The following ASIC2 variants were observed in gnomAD, a reference collection of about 807,000 sequenced individuals.
The protein encoded by ASIC2 is acid sensing ion channel subunit 2.
In ASIC2, 25 loss-of-function variants were observed where a neutral mutation model predicts 57.3. That is an observed-to-expected ratio of 0.44 (90% CI 0.32 to 0.61). ASIC2 has a LOEUF of 0.61. Among genes scored for constraint, ASIC2 ranks in the 20% least tolerant of loss-of-function variants. The pLI is 0.06. For missense variants in ASIC2, 641 were observed against 738.1 expected (o/e 0.87, Z 1.52); for synonymous variants, 319 against 307.5 (o/e 1.04, Z -0.39).
intron 1 of ASIC2, among the ~76,000 whole-genome samples, chr17:34,032,427 A>G (rs536566121): frequency 2.6e-5 from 4 of 152,368 alleles, no homozygotes; most frequent in South Asian, 4.1e-4. Flanking sequence ...TGTAAAAACC[A>G]TCAAGGCTAG....
intron 1 of ASIC2, among the ~76,000 whole-genome samples, chr17:33,703,029 G>A (rs1908750627): frequency 6.6e-6 from 1 of 152,176 alleles, no homozygotes; most frequent in Admixed American, 6.5e-5. Context: ...GGCCTGGAAA[G>A]GCCACTGGGA....
At chr17:34,022,328 C>T (rs1907196295) in intron 1 of ASIC2, among the ~76,000 whole-genome samples, 1 of 152,140 alleles carries the variant, frequency 6.6e-6, no homozygotes, top group Admixed American at 6.5e-5. Context: ...TCCTAATTCC[C>T]CTCTATCTCT....
intron 1 of ASIC2, among the ~76,000 whole-genome samples, chr17:34,109,321 AT>A (rs1371127343): frequency 6.6e-6 from 1 of 152,160 alleles, no homozygotes; most frequent in Non-Finnish European, 1.5e-5. Flanking sequence ...ATATACCAAA[AT>A]CTAGTTTTCC....
At chr17:33,456,762 C>T (rs73271401) in intron 1 of ASIC2, among the ~76,000 whole-genome samples, 4,296 of 152,230 alleles carry the variant, frequency 0.028, 228 homozygotes, top group African/African-American at 0.098. Flanking sequence ...TGTAGAAAAA[C>T]GGAGAGGGCT....
chr17:33,650,843 A>G (rs280044), intron 1 of ASIC2, among the ~76,000 whole-genome samples: 118,377 of 152,076 alleles, frequency 0.78, 46,425 homozygotes, highest in African/African-American at 0.87. Context: ...GAGTGGAAGG[A>G]AAGGGGCTGT....
At chr17:33,211,841 C>T (rs1168703329) in intron 1 of ASIC2, among the ~76,000 whole-genome samples, 1 of 152,212 alleles carries the variant, frequency 6.6e-6, no homozygotes, top group African/African-American at 2.4e-5. Context: ...GACCACCATA[C>T]CCTCCTTCCC....
At chr17:33,305,195 A>G (rs759551939) in intron 1 of ASIC2, among the ~76,000 whole-genome samples, 1 of 152,154 alleles carries the variant, frequency 6.6e-6, no homozygotes, top group Non-Finnish European at 1.5e-5. Flanking sequence ...TTTTATTGGT[A>G]CCAAGGAAGA....
At chr17:34,110,010 T>C (rs545446257) in intron 1 of ASIC2, among the ~76,000 whole-genome samples, 2 of 152,140 alleles carry the variant, frequency 1.3e-5, no homozygotes, top group Admixed American at 6.5e-5. Context: ...TAGTATGGGA[T>C]AGTATTTCTA....
intron 1 of ASIC2, among the ~76,000 whole-genome samples, chr17:33,261,405 C>T (rs985481748): frequency 1.3e-5 from 2 of 152,146 alleles, no homozygotes; most frequent in Non-Finnish European, 2.9e-5. Context: ...GGTCCTTGTC[C>T]TCATGGAGCT....
At chr17:33,676,570 G>T (rs1907828361) in intron 1 of ASIC2, among the ~76,000 whole-genome samples, 1 of 152,232 alleles carries the variant, frequency 6.6e-6, no homozygotes, top group South Asian at 2.1e-4. Context: ...CTAATCCAGA[G>T]CAAGGCTCTA....
chr17:33,984,230 C>T (rs1259930452), intron 1 of ASIC2: 2 of 152,268 alleles, frequency 1.3e-5, no homozygotes, highest in Non-Finnish European at 2.9e-5. Context: ...TCTTTCTCTC[C>T]TCCCAGGGAT....
At chr17:33,769,995 C>A (rs1911047459) in intron 1 of ASIC2, among the ~76,000 whole-genome samples, 4 of 152,220 alleles carry the variant, frequency 2.6e-5, no homozygotes, top group African/African-American at 9.7e-5. Context: ...TTGGGGGACA[C>A]AAACATTCAG....
At chr17:33,204,260 A>G (rs1309101147) in intron 1 of ASIC2, among the ~76,000 whole-genome samples, 1 of 152,204 alleles carries the variant, frequency 6.6e-6, no homozygotes, top group Non-Finnish European at 1.5e-5. Context: ...GGCAGGCCCT[A>G]CTTGTCTCTC....
At chr17:33,336,960 G>A (rs571065822) in intron 1 of ASIC2, among the ~76,000 whole-genome samples, 58 of 152,308 alleles carry the variant, frequency 3.8e-4, no homozygotes, top group African/African-American at 1.4e-3. Flanking sequence ...CTAGAGCAGA[G>A]AAGGGGGATT....
chr17:33,981,552 T>G lies in ASIC2; in HGVS notation c.555+174426A>C, dbSNP rs76557016. ...ATTGGTGGAACCAGGACTTAAACCC[T>G]GGTCTTTTGGGCTCTCAAATGTATG... On this transcript the variant is annotated intron_variant, in intron 1 of 9. Coordinates refer to the ASIC2 transcript ENST00000359872. Among the ~76,000 whole-genome samples the G allele has an allele frequency of 4.9e-3, 749 of 152,238 alleles. 6 individuals are homozygous for G. Among genetic ancestry groups the G allele is most frequent in the African/African-American group, 0.016 (680 of 41,542 alleles).
At chr17:33,984,125 G>GCC (rs1905726925) in intron 1 of ASIC2, 1 of 152,254 alleles carries the variant, frequency 6.6e-6, no homozygotes, top group African/African-American at 2.4e-5. Context: ...CCCCTTTCTG[G>GCC]CTGCAATCAT....
intron 1 of ASIC2, among the ~76,000 whole-genome samples, chr17:34,150,319 G>A (rs763463765): frequency 6.6e-6 from 1 of 152,064 alleles, no homozygotes; most frequent in Non-Finnish European, 1.5e-5. Flanking sequence ...GAAATCTATT[G>A]TACATCATAA....
At chr17:33,152,008 A>C (rs1904820923) in intron 1 of ASIC2, among the ~76,000 whole-genome samples, 1 of 152,192 alleles carries the variant, frequency 6.6e-6, no homozygotes, top group Non-Finnish European at 1.5e-5. Context: ...TTTTGTTGCA[A>C]AAAAGGGATA....
chr17:33,356,181 TG>T (rs1322684802), intron 1 of ASIC2, among the ~76,000 whole-genome samples: 1 of 152,228 alleles, frequency 6.6e-6, no homozygotes, highest in African/African-American at 2.4e-5. Context: ...GTGATGAGGC[TG>T]GCCCCTGAGT....
Sources: allele counts gnomAD v4.1 joint callset (sites outside exome capture counted in the v4.1 genomes callset), GRCh38; gene constraint gnomAD v4.1.1; transcripts MANE v1.5; gene names NCBI Gene and HGNC (gene_info 2026-07-23, HGNC 2026-07-21).